The following CAST variants were observed in gnomAD, a reference collection of about 807,000 sequenced individuals.
CAST encodes the protein calpastatin.
A neutral mutation model predicts 119.6 loss-of-function variants in CAST; 76 were observed. The observed-to-expected ratio is 0.64, with a 90% CI of 0.53 to 0.77. The LOEUF is 0.77. Ranked by LOEUF, CAST falls within the 30% of genes least tolerant of loss-of-function variation. CAST has a pLI of 0.00. For missense variants in CAST, 953 were observed against 946.5 expected, an observed-to-expected ratio of 1.01 and a Z score of -0.09; for synonymous variants, 319 against 331.6, an observed-to-expected ratio of 0.96 and a Z score of 0.41.
intron 10 of CAST, among the ~76,000 whole-genome samples, chr5:96,737,449 A>G (rs1761897691): frequency 6.6e-6 from 1 of 152,218 alleles, no homozygotes; most frequent in Non-Finnish European, 1.5e-5. Flanking sequence ...ATTGATAAGC[A>G]ATAAATACCA....
chr5:96,329,075 C>T, the CAST span, among the ~76,000 whole-genome samples: 4 of 152,136 alleles, frequency 2.6e-5, no homozygotes, highest in Admixed American at 6.6e-5. Context: ...CTTATTATTA[C>T]AAGCTTATTA....
upstream of CAST, among the ~76,000 whole-genome samples, chr5:96,657,230 A>G (rs1351659732): frequency 6.6e-6 from 1 of 152,188 alleles, no homozygotes; most frequent in East Asian, 1.9e-4. Context: ...AAGAGTTTGC[A>G]GTATTGTGTG....
chr5:96,643,309 A>G (rs1413909095), intron 1 of CAST, among the ~76,000 whole-genome samples: 2 of 152,260 alleles, frequency 1.3e-5, no homozygotes, highest in African/African-American at 4.8e-5. Context: ...AGCCAGTCAC[A>G]AAAGATCACT....
the CAST span, among the ~76,000 whole-genome samples, chr5:96,361,360 C>T: frequency 6.6e-6 from 1 of 152,126 alleles, no homozygotes; most frequent in South Asian, 2.1e-4. Context: ...CGCTGGCATT[C>T]CAGGCACCAC....
At chr5:96,561,393 G>C (rs1188155803) in intron 1 of CAST, among the ~76,000 whole-genome samples, 1 of 151,372 alleles carries the variant, frequency 6.6e-6, no homozygotes, top group Non-Finnish European at 1.5e-5. Flanking sequence ...AAATTAAAAA[G>C]AATGAGTTCA....
chr5:95,994,070 G>T, the CAST span, among the ~76,000 whole-genome samples: 1 of 151,948 alleles, frequency 6.6e-6, no homozygotes, highest in Non-Finnish European at 1.5e-5. Flanking sequence ...TTTGCAAGTG[G>T]GTCTGCAAAG....
the CAST span, among the ~76,000 whole-genome samples, chr5:95,985,430 A>T: frequency 6.6e-6 from 1 of 152,262 alleles, no homozygotes; most frequent in Non-Finnish European, 1.5e-5. Flanking sequence ...ACCAAGAGTC[A>T]GCATTTTAAT....
At chr5:96,771,739 T>A in intron 31 of CAST, 37 bp downstream of exon 31, 1 of 1,289,004 alleles carries the variant, frequency 7.8e-7, no homozygotes, top group Non-Finnish European at 1.1e-6. Flanking sequence ...AAGACAACTG[T>A]ATCTTCTGCC....
At chr5:96,008,266 G>T in the CAST span, among the ~76,000 whole-genome samples, 15 of 152,170 alleles carry the variant, frequency 9.9e-5, no homozygotes, top group Non-Finnish European at 1.9e-4. Flanking sequence ...GAATATGGAG[G>T]TGAAATTCTC....
chr5:96,136,636 A>G, the CAST span, among the ~76,000 whole-genome samples: 28 of 152,192 alleles, frequency 1.8e-4, no homozygotes, highest in African/African-American at 6.5e-4. Flanking sequence ...TCTATATGTA[A>G]CCATCTGTCT....
At chr5:96,542,239 G>A (rs1363951546) in intron 1 of CAST, among the ~76,000 whole-genome samples, 1 of 151,184 alleles carries the variant, frequency 6.6e-6, no homozygotes, top group Non-Finnish European at 1.5e-5. Flanking sequence ...GAACCCCGGG[G>A]GGCGGAGCCT....
chr5:96,473,090 C>T, the CAST span, among the ~76,000 whole-genome samples: 717 of 152,304 alleles, frequency 4.7e-3, 4 homozygotes, highest in African/African-American at 0.017. Flanking sequence ...AGGGGCCACC[C>T]TAATTGAGTA....
the CAST span, among the ~76,000 whole-genome samples, chr5:95,986,486 AAC>A: frequency 6.6e-6 from 1 of 152,234 alleles, no homozygotes; most frequent in South Asian, 2.1e-4. Flanking sequence ...ACTCTCGCCT[AAC>A]CTAAGAGGGA....
intron 1 of CAST, among the ~76,000 whole-genome samples, chr5:96,622,396 G>C (rs961955862): frequency 9.9e-5 from 15 of 152,164 alleles, no homozygotes; most frequent in African/African-American, 3.6e-4. Context: ...ATTCTCCTCT[G>C]GGTGAATTTC....
chr5:96,245,803 G>C, the CAST span, among the ~76,000 whole-genome samples: 3 of 152,112 alleles, frequency 2.0e-5, no homozygotes, highest in Non-Finnish European at 2.9e-5. Flanking sequence ...CCATGCAGCT[G>C]GGGGGACTTA....
At chr5:96,685,283 T>C (rs1314447520) in intron 2 of CAST, among the ~76,000 whole-genome samples, 1 of 152,118 alleles carries the variant, frequency 6.6e-6, no homozygotes, top group African/African-American at 2.4e-5. Flanking sequence ...AGAAACCTCA[T>C]GGACAGATGG....
the CAST span, among the ~76,000 whole-genome samples, chr5:95,967,710 A>G: frequency 6.6e-6 from 1 of 152,100 alleles, no homozygotes; most frequent in Non-Finnish European, 1.5e-5. Context: ...CCCTTCCACC[A>G]TGATTGTTAG....
intron 1 of CAST, among the ~76,000 whole-genome samples, chr5:96,634,663 A>G (rs1041630689): frequency 4.6e-5 from 7 of 152,230 alleles, no homozygotes; most frequent in Admixed American, 3.9e-4. Context: ...TGCCTCTGCA[A>G]TGAGATAATG....
chr5:96,328,430 T>C, the CAST span, among the ~76,000 whole-genome samples: 17 of 136,774 alleles, frequency 1.2e-4, no homozygotes, highest in African/African-American at 4.1e-4. Context: ...TCTCTCTCTC[T>C]CCTTGTGACA....
Sources: gnomAD v4.1 joint callset for allele counts (sites outside exome capture counted in the v4.1 genomes callset) on GRCh38, gnomAD v4.1.1 for gene constraint, MANE v1.5 for transcripts, NCBI Gene and HGNC (gene_info 2026-07-23, HGNC 2026-07-21) for gene names.